Variants in CGNL1 observed in about 807,000 individuals in gnomAD.
CGNL1 encodes the protein cingulin like 1.
A neutral mutation model predicts 141.2 loss-of-function variants in CGNL1; 132 were observed. The observed-to-expected ratio is 0.93, with a 90% CI of 0.81 to 1.08. CGNL1 has a LOEUF of 1.08. Among genes scored for constraint, CGNL1 ranks in the 50% least tolerant of loss-of-function variants. The pLI is 0.00. For synonymous variants in CGNL1, 690 were observed against 622.1 expected (o/e 1.11, Z -1.63); for missense variants, 1,870 against 1,588.6 (o/e 1.18, Z -3.01).
chr15:57,440,544 C>G (rs1444846939), intron 3 of CGNL1, 73 bp downstream of exon 3: 5 of 1,201,512 alleles, frequency 4.2e-6, no homozygotes, highest in Non-Finnish European at 6.0e-6. Context: ...TTTTCCGAGG[C>G]TTTAATGGTT....
In CGNL1 at chr15:57,450,039, G is replaced by C. The variant is rs112474596; in HGVS notation, c.1804-1461G>C. Among the ~76,000 whole-genome samples, 224 of 152,290 alleles carry C rather than the reference G, an allele frequency of 1.5e-3. 2 individuals carry two copies. Among genetic ancestry groups the C allele is most frequent in the African/African-American group, 5.1e-3 (211 of 41,554 alleles). ...AACGTTCACGTACAGGTTTTTGTGT[G>C]GACATGAGACTTCAACTAATTTGGG... On this transcript the variant is annotated intron_variant, in intron 4 of 18. Transcript: ENST00000281282.
At chr15:57,437,893 T>C in intron 1 of CGNL1, 92 bp from the exon 2 acceptor site, 5 of 1,211,908 alleles carry the variant, frequency 4.1e-6, no homozygotes, top group South Asian at 1.5e-5. Flanking sequence ...CTTTGAACTT[T>C]GAAGTTTCCC....
intron 1 of CGNL1, among the ~76,000 whole-genome samples, chr15:57,391,018 C>T (rs1356361712): frequency 1.3e-5 from 2 of 152,176 alleles, no homozygotes; most frequent in South Asian, 2.1e-4. Flanking sequence ...ATGTCCCAAT[C>T]TTCATAAGGA....
chr15:57,430,430 G>C (rs1281109678), intron 1 of CGNL1, among the ~76,000 whole-genome samples: 1 of 152,088 alleles, frequency 6.6e-6, no homozygotes, highest in Non-Finnish European at 1.5e-5. Flanking sequence ...CATGAATTCT[G>C]TATTTTTTTC....
At chr15:57,382,464 C>G (rs762517748) in intron 1 of CGNL1, among the ~76,000 whole-genome samples, 2 of 152,168 alleles carry the variant, frequency 1.3e-5, no homozygotes, top group Non-Finnish European at 2.9e-5. Context: ...CCCTGCTGCC[C>G]AATCACAGGG....
intron 8 of CGNL1, among the ~76,000 whole-genome samples, chr15:57,487,904 G>A (rs2063806679): frequency 6.6e-6 from 1 of 152,190 alleles, no homozygotes; most frequent in South Asian, 2.1e-4. Flanking sequence ...TGCATGGACG[G>A]ACGTTTTCAT....
chr15:57,498,245 G>GTTTT (rs56793548), intron 8 of CGNL1, among the ~76,000 whole-genome samples: 9,390 of 100,848 alleles, frequency 0.093, 648 homozygotes, highest in East Asian at 0.35. Context: ...TGGGGAAACA[G>GTTTT]TTTTTTTTTT....
At chr15:57,479,491 C>T (rs1267041961) in intron 8 of CGNL1, among the ~76,000 whole-genome samples, 4 of 152,134 alleles carry the variant, frequency 2.6e-5, no homozygotes, top group African/African-American at 9.7e-5. Flanking sequence ...CTGTGAAACC[C>T]TGTCTCTACT....
chr15:57,479,586 C>G (rs969045187), intron 8 of CGNL1, among the ~76,000 whole-genome samples: 7 of 152,120 alleles, frequency 4.6e-5, no homozygotes, highest in Non-Finnish European at 1.0e-4. Flanking sequence ...ATCGCTTAAA[C>G]GCAGTAGGTG....
At chr15:57,463,675 T>A (rs2063473920) in intron 8 of CGNL1, among the ~76,000 whole-genome samples, 1 of 152,238 alleles carries the variant, frequency 6.6e-6, no homozygotes, top group Non-Finnish European at 1.5e-5. Flanking sequence ...TTAAGTAACT[T>A]GCTTGACTCC....
At chr15:57,516,699 A>G (rs2030827899) in intron 8 of CGNL1, 81 bp from the exon 9 acceptor site, 1 of 1,456,676 alleles carries the variant, frequency 6.9e-7, no homozygotes, top group Admixed American at 1.9e-5. Flanking sequence ...TGGGTTTTTC[A>G]TAAATGCCAG....
intron 17 of CGNL1, 102 bp from the exon 18 acceptor site, chr15:57,545,974 A>C: frequency 3.0e-6 from 4 of 1,336,996 alleles, no homozygotes; most frequent in Non-Finnish European, 3.1e-6. Flanking sequence ...CCCATTGCCC[A>C]TGTCTTGGTT....
intron 10 of CGNL1, 51 bp from the exon 11 acceptor site, chr15:57,523,438 T>A: frequency 6.3e-7 from 1 of 1,596,964 alleles, no homozygotes; most frequent in Non-Finnish European, 8.6e-7. Flanking sequence ...CCCGTTCCTG[T>A]GGCTACCTGG....
intron 11 of CGNL1, among the ~76,000 whole-genome samples, 159 bp from the exon 12 acceptor site, chr15:57,524,422 G>C (rs186859108): frequency 2.0e-5 from 3 of 152,302 alleles, no homozygotes; most frequent in East Asian, 3.9e-4. Flanking sequence ...CAAGTCACAG[G>C]TGCCCACACC....
intron 14 of CGNL1, among the ~76,000 whole-genome samples, chr15:57,537,263 G>A (rs1201245005): frequency 6.6e-6 from 1 of 152,156 alleles, no homozygotes; most frequent in Admixed American, 6.5e-5. Context: ...TCCAGGGACT[G>A]AGCAAGGCTG....
chr15:57,447,063 AT>A (rs2063262244), intron 4 of CGNL1, among the ~76,000 whole-genome samples: 1 of 152,028 alleles, frequency 6.6e-6, no homozygotes, highest in Non-Finnish European at 1.5e-5. Context: ...GCCTCTAGGA[AT>A]TTTGATTGGG....
At chr15:57,432,004 A>C (rs1355474269) in intron 1 of CGNL1, among the ~76,000 whole-genome samples, 1 of 152,286 alleles carries the variant, frequency 6.6e-6, no homozygotes, top group African/African-American at 2.4e-5. Context: ...GAGACTCATC[A>C]CCTCTCTACC....
chr15:57,512,495 A>G (rs558620271), intron 8 of CGNL1, among the ~76,000 whole-genome samples: 122 of 152,302 alleles, frequency 8.0e-4, no homozygotes, highest in African/African-American at 2.7e-3. Flanking sequence ...AAAACATAGT[A>G]TCGCTTTACA....
intron 5 of CGNL1, 120 bp from the exon 6 acceptor site, chr15:57,452,021 A>T (rs1307691820): frequency 1.3e-5 from 11 of 815,952 alleles, no homozygotes; most frequent in Non-Finnish European, 2.0e-5. Context: ...ATATAGTTTG[A>T]TTAAGTTGTT....
Sources: gnomAD v4.1 joint callset for allele counts (sites outside exome capture counted in the v4.1 genomes callset) on GRCh38, gnomAD v4.1.1 for gene constraint, MANE v1.5 for transcripts, NCBI Gene and HGNC (gene_info 2026-07-23, HGNC 2026-07-21) for gene names.